Variants in CTBP2 observed in about 807,000 individuals in gnomAD.
The protein encoded by CTBP2 is C-terminal binding protein 2, also known as C-terminal-binding protein 2.
CTBP2 carries 30 observed loss-of-function variants against 80.3 expected under a neutral mutation model. That is an observed-to-expected ratio of 0.37 (90% confidence interval 0.28 to 0.51). The LOEUF (loss-of-function observed/expected upper bound fraction) is 0.51, where lower values mean the gene tolerates loss of function less well. Among genes scored for constraint, CTBP2 ranks in the 20% least tolerant of loss-of-function variants. CTBP2 has a pLI of 0.93. For synonymous variants in CTBP2, 594 were observed against 587.4 expected, an observed-to-expected ratio of 1.01 and a Z score of -0.16; for missense variants, 1,212 against 1,375.3, an observed-to-expected ratio of 0.88 and a Z score of 1.88.
At chr10:125,080,275 T>C (rs1307377539) in intron 2 of CTBP2, among the ~76,000 whole-genome samples, 4 of 149,544 alleles carry the variant, frequency 2.7e-5, no homozygotes, top group Admixed American at 2.0e-4. Context: ...CCAGTTTCCT[T>C]GGATTAGGGG....
At chr10:125,010,994 C>T (rs1322271157) in intron 1 of CTBP2, among the ~76,000 whole-genome samples, 1 of 152,200 alleles carries the variant, frequency 6.6e-6, no homozygotes, top group East Asian at 1.9e-4. Context: ...TACTTGTGAA[C>T]AATTTAAAAG....
intron 8 of CTBP2, 64 bp downstream of exon 10, chr10:124,992,631 T>G: frequency 1.6e-6 from 2 of 1,253,042 alleles, no homozygotes; most frequent in Non-Finnish European, 2.2e-6. Flanking sequence ...AAGTTTGGGC[T>G]TCTCTCCCTG....
In CTBP2 at chr10:124,988,576, TAGAAC is replaced by T. The variant is rs1952167705; in HGVS notation, c.*937_*941del. On this transcript the variant is annotated 3_prime_UTR_variant, in exon 9 of 9. Coordinates refer to ENST00000309035, the MANE Select transcript of CTBP2 (RefSeq NM_022802.3). ...GCAATGATTCACAAAAGACTATGAATAGAACATGTAACTAGTTGATACAAATCTAA... is the reference window on the plus strand; with the variant it reads ...GCAATGATTCACAAAAGACTATGAATATGTAACTAGTTGATACAAATCTAA... The T allele has an allele frequency of 6.6e-6, 1 of 152,634 alleles. No individual in the cohort carries two copies. Among genetic ancestry groups the T allele is most frequent in the Non-Finnish European group, 1.5e-5 (1 of 68,010 alleles). 9.5% of individuals were successfully genotyped at this position (152,634 alleles called of 1,614,324 possible).
At chr10:125,096,246 C>T (rs1042551740) in intron 2 of CTBP2, among the ~76,000 whole-genome samples, 2 of 152,180 alleles carry the variant, frequency 1.3e-5, no homozygotes, top group African/African-American at 2.4e-5. Flanking sequence ...TACTATACTT[C>T]GTATTTCCTT....
intron 2 of CTBP2, among the ~76,000 whole-genome samples, chr10:125,060,463 CGTGTGTGTGTGTGTGTGT>C (rs56032803): frequency 2.7e-5 from 4 of 147,852 alleles, no homozygotes; most frequent in African/African-American, 1.0e-4. Flanking sequence ...ATTCCCCCCA[CGTGTGTGTGTGTGTGTGT>C]GTGTGTGTGT....
At chr10:125,109,101 G>A (rs1377826766) in intron 2 of CTBP2, among the ~76,000 whole-genome samples, 1 of 152,236 alleles carries the variant, frequency 6.6e-6, no homozygotes, top group Non-Finnish European at 1.5e-5. Context: ...TGAGTCAAAT[G>A]AAAGTGTCCT....
intron 3 of CTBP2, among the ~76,000 whole-genome samples, chr10:125,034,197 C>A (rs749313022): frequency 2.3e-4 from 35 of 152,140 alleles, no homozygotes; most frequent in African/African-American, 8.5e-4. Context: ...AGCTGCAGAA[C>A]GGGAGGGCAG....
intron 3 of CTBP2, among the ~76,000 whole-genome samples, chr10:125,034,238 G>A (rs539040299): frequency 1.6e-4 from 24 of 152,230 alleles, no homozygotes; most frequent in Non-Finnish European, 2.8e-4. Flanking sequence ...AGTCGGTGGA[G>A]GAACAGGTGG....
intron 1 of CTBP2, among the ~76,000 whole-genome samples, chr10:125,015,335 GCC>G (rs1306302773): frequency 1.3e-5 from 2 of 152,242 alleles, no homozygotes; most frequent in Non-Finnish European, 2.9e-5. Context: ...CCCCAGAAGA[GCC>G]ATGGCCCAGA....
chr10:125,080,296 AC>A (rs55918550), intron 2 of CTBP2, among the ~76,000 whole-genome samples: 19,248 of 151,346 alleles, frequency 0.13, 1,382 homozygotes, highest in Middle Eastern at 0.23. Context: ...TAAAAAAAAA[AC>A]ACACACCCAC....
rs936564131 is a variant in CTBP2, at chr10:125,066,142, C to T, written c.-101-26987G>A. ...AATGCTCAGGCTGATGTCCTAACAC[C>T]CAGGACAACGTCTGAGTGACCAGTG... On this transcript the variant is annotated intron_variant, in intron 2 of 10. Transcript: ENST00000337195. This position sits in a 1 kb window ranked among gnomAD's most constrained non-coding sequence, Gnocchi z 4.1. 6.6e-6 allele frequency among the ~76,000 whole-genome samples: 1 copy of T among 151,812 alleles called. No individual in the cohort carries two copies. Among genetic ancestry groups the T allele is most frequent in the Non-Finnish European group, 1.5e-5 (1 of 67,976 alleles).
rs143686491 is a variant in CTBP2 at position 125,150,751 on chromosome 10, C to A, written c.-206+9568G>T. On this transcript the variant is annotated intron_variant, in intron 1 of 10. Coordinates refer to the CTBP2 transcript ENST00000337195. Reference sequence around the variant, plus strand: ...ACATAGTGAGTCTGTGATCCAGAGTCTGACCCACGTATTCAACGGGGCCTG... The same window carrying A: ...ACATAGTGAGTCTGTGATCCAGAGTATGACCCACGTATTCAACGGGGCCTG... Among the ~76,000 whole-genome samples the A allele has an allele frequency of 3.5e-3, 524 of 150,202 alleles. 2 individuals carry two copies. Among genetic ancestry groups the A allele is most frequent in the African/African-American group, 0.012 (503 of 40,854 alleles).
chr10:125,029,166 C>T (rs532625248), upstream of CTBP2, among the ~76,000 whole-genome samples: 35 of 152,210 alleles, frequency 2.3e-4, no homozygotes, highest in Admixed American at 1.2e-3. Context: ...TCCTCACTCA[C>T]ATCTCTCTCA....
upstream of CTBP2, among the ~76,000 whole-genome samples, chr10:125,030,038 C>T (rs1008834982): frequency 6.6e-6 from 1 of 152,124 alleles, no homozygotes; most frequent in African/African-American, 2.4e-5. Flanking sequence ...CAAACTCGCA[C>T]AGCCTTGGCT....
At chr10:125,134,326 C>T (rs992004916) in intron 1 of CTBP2, among the ~76,000 whole-genome samples, 7 of 152,154 alleles carry the variant, frequency 4.6e-5, no homozygotes, top group East Asian at 3.9e-4. Context: ...GTCCACCCAG[C>T]GGAAGCCCCC....
intron 2 of CTBP2, among the ~76,000 whole-genome samples, chr10:125,071,142 G>A (rs1333581459): frequency 2.6e-5 from 4 of 152,166 alleles, no homozygotes; most frequent in Non-Finnish European, 4.4e-5. Context: ...CCACGACCTC[G>A]TATCTGTGCC....
chr10:125,157,339 A>G (rs773843213), intron 1 of CTBP2, among the ~76,000 whole-genome samples: 3 of 141,664 alleles, frequency 2.1e-5, no homozygotes, highest in Non-Finnish European at 4.6e-5. Flanking sequence ...TTCTGCATTC[A>G]ACCTGCAGAC....
rs559311747 is a variant in CTBP2, at chr10:124,986,166, C to G, written c.*3352G>C. ...TATTTGACCACTTCAGGTATACATTCAATACTGGGTAAAAATTTCAGACCT... is the reference window on the plus strand; with the variant it reads ...TATTTGACCACTTCAGGTATACATTGAATACTGGGTAAAAATTTCAGACCT... On this transcript the variant is annotated 3_prime_UTR_variant, in exon 9 of 9. Transcript: ENST00000309035. 4 of 152,548 alleles carry G rather than the reference C, an allele frequency of 2.6e-5. No homozygotes were observed. The highest frequency in any genetic ancestry group is 9.6e-5 in the African/African-American group (4 of 41,480). The allele number at this position is 152,548 out of a possible 1,614,324, so 9.4% of individuals were successfully genotyped here.
At chr10:125,089,070 G>C (rs954625418) in intron 2 of CTBP2, among the ~76,000 whole-genome samples, 1 of 152,190 alleles carries the variant, frequency 6.6e-6, no homozygotes, top group African/African-American at 2.4e-5. Flanking sequence ...CTTTAATAGG[G>C]TAAGAATAAC....
Sources: allele counts gnomAD v4.1 joint callset (sites outside exome capture counted in the v4.1 genomes callset), GRCh38; gene constraint gnomAD v4.1.1; non-coding constraint Gnocchi (gnomAD v3.1); transcripts MANE v1.5; gene names NCBI Gene and HGNC (gene_info 2026-07-23, HGNC 2026-07-21).